The following DPP10 variants were observed in gnomAD, a reference collection of about 807,000 sequenced individuals.
DPP10 encodes the protein dipeptidyl peptidase like 10, also known as inactive dipeptidyl peptidase 10.
In DPP10, 33 loss-of-function variants were observed where a neutral mutation model predicts 120.9. The observed-to-expected ratio is 0.27, with a 90% CI of 0.21 to 0.37. DPP10 has a LOEUF of 0.37. Among genes scored for constraint, DPP10 ranks in the 10% least tolerant of loss-of-function variants. The pLI, the probability that DPP10 is intolerant of heterozygous loss-of-function variation, is 1.00. For synonymous variants in DPP10, 337 were observed against 326.1 expected (o/e 1.03, Z -0.36); for missense variants, 816 against 942.8 (o/e 0.87, Z 1.76).
At chr2:115,701,319 C>T (rs1444102478) in intron 7 of DPP10, among the ~76,000 whole-genome samples, 1 of 151,854 alleles carries the variant, frequency 6.6e-6, no homozygotes, top group Non-Finnish European at 1.5e-5. Flanking sequence ...AATGAAGGTG[C>T]CAAATCATTG....
At chr2:115,418,688 C>T (rs753337783) in intron 3 of DPP10, among the ~76,000 whole-genome samples, 2 of 151,964 alleles carry the variant, frequency 1.3e-5, no homozygotes, top group South Asian at 4.1e-4. Context: ...AGGAGGATCA[C>T]TTGAGCCCAG....
intron 1 of DPP10, among the ~76,000 whole-genome samples, chr2:115,086,389 C>T (rs1280170320): frequency 2.6e-5 from 4 of 152,002 alleles, no homozygotes; most frequent in Non-Finnish European, 5.9e-5. Flanking sequence ...GCCTGGAAGC[C>T]ACCCCCCAAC....
intron 25 of DPP10, 42 bp downstream of exon 25, chr2:115,840,865 T>A: frequency 1.3e-6 from 2 of 1,549,456 alleles, no homozygotes; most frequent in Non-Finnish European, 1.8e-6. Flanking sequence ...CTGCTGTGTT[T>A]TTTCACTTGT....
chr2:115,839,546 C>T (rs944576876), intron 24 of DPP10, among the ~76,000 whole-genome samples: 6 of 151,668 alleles, frequency 4.0e-5, no homozygotes, highest in Admixed American at 2.0e-4. Context: ...TGGTGGTGCA[C>T]GCCTATAATC....
intron 1 of DPP10, among the ~76,000 whole-genome samples, chr2:115,170,338 A>T (rs896276006): frequency 2.0e-4 from 31 of 152,188 alleles, no homozygotes; most frequent in Admixed American, 4.6e-4. Flanking sequence ...ACAAATTTGC[A>T]TTGATAATTC....
At chr2:114,740,839 T>TAG (rs1677981519) in intron 1 of DPP10, among the ~76,000 whole-genome samples, 1 of 152,184 alleles carries the variant, frequency 6.6e-6, no homozygotes, top group African/African-American at 2.4e-5. Flanking sequence ...TTGGGGTCCA[T>TAG]TTTCTTCATG....
chr2:115,129,960 ACTT>A (rs1343708381), intron 1 of DPP10, among the ~76,000 whole-genome samples: 7 of 151,472 alleles, frequency 4.6e-5, no homozygotes, highest in African/African-American at 1.2e-4. Context: ...CTCTCTCTTA[ACTT>A]CTTCTGTTCT....
At chr2:115,625,049 C>T (rs943670235) in intron 5 of DPP10, among the ~76,000 whole-genome samples, 37 of 150,738 alleles carry the variant, frequency 2.5e-4, no homozygotes, top group African/African-American at 8.6e-4. Flanking sequence ...ATATAAATAA[C>T]GATATGAATT....
rs1682299311 is a variant in DPP10, at chr2:115,777,850, G to A, written c.1361+16G>A. 6.2e-6 allele frequency: 10 copies of A among 1,612,702 alleles called. No individual in the cohort carries two copies. The highest frequency in any genetic ancestry group is 1.7e-4 in the Middle Eastern group (1 of 6,048). On this transcript the variant is annotated intron_variant, in intron 15 of 25. Coordinates refer to ENST00000410059, the MANE Select transcript of DPP10 (RefSeq NM_020868.6). ...AGCTGTACAGGTAAGCAGTGTGCAAGGATCTCCTTACACAGATTGGCTTCT... is the reference window on the plus strand; with the variant it reads ...AGCTGTACAGGTAAGCAGTGTGCAAAGATCTCCTTACACAGATTGGCTTCT...
chr2:115,375,568 A>G (rs571947334), intron 3 of DPP10, among the ~76,000 whole-genome samples: 2 of 152,170 alleles, frequency 1.3e-5, no homozygotes, highest in African/African-American at 2.4e-5. Flanking sequence ...AGGTATCTTT[A>G]TAGCAGTCTC....
chr2:114,792,406 G>C (rs916787337), intron 1 of DPP10, among the ~76,000 whole-genome samples: 1 of 152,110 alleles, frequency 6.6e-6, no homozygotes, highest in Non-Finnish European at 1.5e-5. Context: ...ATCTTTCTAG[G>C]ATTTTTCATC....
chr2:114,790,468 C>A (rs1350051284), intron 1 of DPP10, among the ~76,000 whole-genome samples: 1 of 152,024 alleles, frequency 6.6e-6, no homozygotes, highest in African/African-American at 2.4e-5. Context: ...CTTACTGATT[C>A]TTTTCATGCG....
At chr2:115,624,361 A>T (rs1448658088) in intron 5 of DPP10, among the ~76,000 whole-genome samples, 1 of 152,116 alleles carries the variant, frequency 6.6e-6, no homozygotes, top group Non-Finnish European at 1.5e-5. Flanking sequence ...CAGTATCGAA[A>T]TGTTATCATA....
intron 1 of DPP10, among the ~76,000 whole-genome samples, chr2:114,950,036 TA>T (rs1326529564): frequency 6.6e-6 from 1 of 152,166 alleles, no homozygotes; most frequent in Non-Finnish European, 1.5e-5. Context: ...AAAAAATTCT[TA>T]AAAAAACTGT....
At chr2:115,354,253 G>A (rs2064221300) in intron 3 of DPP10, among the ~76,000 whole-genome samples, 1 of 152,088 alleles carries the variant, frequency 6.6e-6, no homozygotes, top group African/African-American at 2.4e-5. Flanking sequence ...GAATTTTGCT[G>A]TATGATTGAA....
intron 1 of DPP10, among the ~76,000 whole-genome samples, chr2:115,043,385 A>G (rs866815392): frequency 6.6e-6 from 1 of 152,190 alleles, no homozygotes; most frequent in Non-Finnish European, 1.5e-5. Context: ...GAGAGACCTC[A>G]TGGTTTTGCT....
intron 1 of DPP10, among the ~76,000 whole-genome samples, chr2:114,484,081 G>T (rs569148015): frequency 1.3e-4 from 20 of 152,240 alleles, no homozygotes; most frequent in African/African-American, 4.6e-4. Context: ...GGGTAATAGT[G>T]TTTGTGGAAC....
At chr2:114,674,202 A>G (rs1011466210) in intron 1 of DPP10, among the ~76,000 whole-genome samples, 1 of 152,028 alleles carries the variant, frequency 6.6e-6, no homozygotes, top group Non-Finnish European at 1.5e-5. Flanking sequence ...GTTATAATAC[A>G]TGTTTTTGTA....
Position 114,902,724 on chromosome 2 carries a change from A to G in DPP10, c.61-406515A>G, listed in dbSNP as rs201072544. Among the ~76,000 whole-genome samples, 17 of 152,288 alleles carry G rather than the reference A, an allele frequency of 1.1e-4. No homozygotes were observed. The East Asian group carries it at 2.5e-3, about 22-fold the overall frequency. On this transcript the variant is annotated intron_variant, in intron 1 of 25. Coordinates refer to ENST00000410059, the MANE Select transcript of DPP10 (RefSeq NM_020868.6). ...CCTGATACTACGAGCTCGCACACAT[A>G]TATAACCCTCCCCATTATAAACACT...
Sources: allele counts gnomAD v4.1 joint callset (sites outside exome capture counted in the v4.1 genomes callset), GRCh38; gene constraint gnomAD v4.1.1; transcripts MANE v1.5; gene names NCBI Gene and HGNC (gene_info 2026-07-23, HGNC 2026-07-21).